Variants in MYO5A observed in about 807,000 individuals in gnomAD.
MYO5A encodes the protein unconventional myosin-Va.
In MYO5A, 98 loss-of-function variants were observed where a neutral mutation model predicts 249.7. That is an observed-to-expected ratio of 0.39 (90% CI 0.33 to 0.46). The LOEUF is 0.46. MYO5A is among the 20% of genes least tolerant of loss of function. MYO5A has a pLI of 0.98. For missense variants in MYO5A, 1,696 were observed against 2,308.8 expected (o/e 0.73, Z 5.44); for synonymous variants, 778 against 810.6 (o/e 0.96, Z 0.68).
chr15:52,389,113 C>A, intron 13 of MYO5A, 125 bp downstream of exon 13: 2 of 931,456 alleles, frequency 2.1e-6, no homozygotes, highest in East Asian at 5.5e-5. Context: ...ACACTGAAGA[C>A]TGCTGTCCCT....
intron 1 of MYO5A, among the ~76,000 whole-genome samples, chr15:52,486,964 G>A (rs2076834499): frequency 6.6e-6 from 1 of 152,172 alleles, no homozygotes; most frequent in Non-Finnish European, 1.5e-5. Context: ...AAAAGAATGA[G>A]TATTTGTGTT....
At chr15:52,447,671 G>A (rs1424255601) in intron 1 of MYO5A, among the ~76,000 whole-genome samples, 16 of 152,220 alleles carry the variant, frequency 1.1e-4, no homozygotes, top group Non-Finnish European at 2.4e-4. Flanking sequence ...AATGCTGATA[G>A]GGATATGCAC....
chr15:52,318,369 T>C (rs1170422428), intron 39 of MYO5A, among the ~76,000 whole-genome samples: 5 of 150,412 alleles, frequency 3.3e-5, no homozygotes. Flanking sequence ...GGCAGGAGAA[T>C]TGCTTCAACC....
At chr15:52,357,814 A>C (rs2040322098) in intron 25 of MYO5A, among the ~76,000 whole-genome samples, 1 of 152,206 alleles carries the variant, frequency 6.6e-6, no homozygotes, top group Non-Finnish European at 1.5e-5. Context: ...TTGCCTTAGT[A>C]AGGACTTTGT....
intron 1 of MYO5A, among the ~76,000 whole-genome samples, chr15:52,471,391 C>T (rs984907439): frequency 2.0e-5 from 3 of 152,038 alleles, no homozygotes; most frequent in African/African-American, 7.2e-5. Flanking sequence ...ATCGCTTGAG[C>T]CCAGGAGTTT....
chr15:52,426,478 T>C (rs1204313648), intron 3 of MYO5A, among the ~76,000 whole-genome samples: 1 of 152,174 alleles, frequency 6.6e-6, no homozygotes, highest in African/African-American at 2.4e-5. Context: ...GTTTGTTTAA[T>C]TTGAGATAGG....
chr15:52,337,535 A>C (rs2039174405), intron 33 of MYO5A, among the ~76,000 whole-genome samples: 1 of 152,246 alleles, frequency 6.6e-6, no homozygotes, highest in African/African-American at 2.4e-5. Flanking sequence ...CAAAGTGTTA[A>C]GTTGTACTTC....
chr15:52,380,024 AG>A (rs1180941230), intron 16 of MYO5A, 116 bp from the exon 17 acceptor site: 2 of 1,030,846 alleles, frequency 1.9e-6, no homozygotes, highest in Non-Finnish European at 3.0e-6. Context: ...AAATCAGAAA[AG>A]AAAGCTTTCA....
At chr15:52,495,131 A>G (rs2077012221) in intron 1 of MYO5A, among the ~76,000 whole-genome samples, 1 of 152,210 alleles carries the variant, frequency 6.6e-6, no homozygotes. Context: ...CCAAAATTCA[A>G]CTATCCAAAG....
chr15:52,383,199 A>C lies in MYO5A; in HGVS notation c.1915-11T>G. ...CAGGGAGTTTCTGAACTGCATGAAA[A>C]AGGGCAGAAGAGGGTATCAAGGCTT... is the stretch of plus-strand genomic sequence containing the variant. On this transcript the variant is annotated splice_polypyrimidine_tract_variant and intron_variant, in intron 15 of 41. Transcript: ENST00000399233. 6.3e-7 allele frequency: 1 copy of C among 1,596,370 alleles called. No individual in the cohort carries two copies. The highest frequency in any genetic ancestry group is 8.6e-7 in the Non-Finnish European group (1 of 1,163,848).
At chr15:52,345,234 T>C (rs1284039918) in intron 30 of MYO5A, among the ~76,000 whole-genome samples, 6 of 152,164 alleles carry the variant, frequency 3.9e-5, no homozygotes, top group Non-Finnish European at 8.8e-5. Flanking sequence ...TAATATGTAA[T>C]CTCTAGACTA....
chr15:52,376,670 T>G, intron 18 of MYO5A, 112 bp from the exon 19 acceptor site: 1 of 1,009,614 alleles, frequency 9.9e-7, no homozygotes, highest in South Asian at 1.5e-5. Flanking sequence ...TAGCTAAAAC[T>G]TGGGCTACAT....
intron 1 of MYO5A, among the ~76,000 whole-genome samples, chr15:52,478,872 T>A (rs1315823514): frequency 2.6e-5 from 4 of 152,216 alleles, no homozygotes; most frequent in African/African-American, 9.7e-5. Context: ...ATTACTACAG[T>A]AAAACTGTAG....
intron 1 of MYO5A, among the ~76,000 whole-genome samples, chr15:52,526,041 T>C (rs998487056): frequency 2.6e-5 from 4 of 152,166 alleles, no homozygotes; most frequent in African/African-American, 7.2e-5. Context: ...CTAAGGCCCA[T>C]TCACAAAAAG....
intron 28 of MYO5A, among the ~76,000 whole-genome samples, chr15:52,350,584 G>T (rs1408877668): frequency 6.6e-6 from 1 of 152,152 alleles, no homozygotes; most frequent in African/African-American, 2.4e-5. Context: ...GGCAGGCCAG[G>T]TTTTCAAGGT....
chr15:52,483,653 C>T (rs377199094), intron 1 of MYO5A, among the ~76,000 whole-genome samples: 15 of 152,320 alleles, frequency 9.8e-5, no homozygotes, highest in East Asian at 5.8e-4. Flanking sequence ...ACATGTCCCA[C>T]TCCCCAACAT....
chr15:52,465,906 T>C (rs2076343127), intron 1 of MYO5A, among the ~76,000 whole-genome samples: 1 of 151,654 alleles, frequency 6.6e-6, no homozygotes, highest in South Asian at 2.1e-4. Flanking sequence ...CTCCAAAATC[T>C]GAGAAGAAGG....
intron 13 of MYO5A, 30 bp from the exon 14 acceptor site, chr15:52,387,942 T>C (rs2042038621): frequency 6.8e-7 from 1 of 1,475,666 alleles, no homozygotes; most frequent in South Asian, 1.1e-5. Context: ...TCTCCTTAAC[T>C]GATAAAACTT....
intron 9 of MYO5A, among the ~76,000 whole-genome samples, chr15:52,398,733 A>G (rs1207414102): frequency 6.6e-6 from 1 of 152,230 alleles, no homozygotes; most frequent in East Asian, 1.9e-4. Context: ...TCACGCCTGT[A>G]ATCCCAGCAC....
Sources: allele counts gnomAD v4.1 joint callset (sites outside exome capture counted in the v4.1 genomes callset), GRCh38; gene constraint gnomAD v4.1.1; transcripts MANE v1.5; gene names NCBI Gene and HGNC (gene_info 2026-07-23, HGNC 2026-07-21).